Variants in NADK observed in about 807,000 individuals in gnomAD.
NADK encodes poly(P)/ATP NAD kinase.
In NADK, 22 loss-of-function variants were observed where a neutral mutation model predicts 49.8. That is an observed-to-expected ratio of 0.44 (90% CI 0.32 to 0.63). The LOEUF (loss-of-function observed/expected upper bound fraction) is 0.63, where lower values mean the gene tolerates loss of function less well. Ranked by LOEUF, NADK falls within the 30% of genes least tolerant of loss-of-function variation. The pLI, the probability that NADK is intolerant of heterozygous loss-of-function variation, is 0.06. For missense variants in NADK, 438 were observed against 609.4 expected (o/e 0.72, Z 2.96); for synonymous variants, 268 against 253.7 (o/e 1.06, Z -0.54).
intron 3 of NADK, among the ~76,000 whole-genome samples, chr1:1,761,195 A>G (rs569777204): frequency 1.3e-4 from 20 of 152,086 alleles, no homozygotes; most frequent in Non-Finnish European, 2.8e-4. Flanking sequence ...GTTTCACCAT[A>G]TTGGCCAGGC....
chr1:1,771,440 A>C (rs1419584348), intron 1 of NADK, among the ~76,000 whole-genome samples: 2 of 152,186 alleles, frequency 1.3e-5, no homozygotes, highest in East Asian at 3.8e-4. Context: ...AGCTGAAAAA[A>C]CTTTGAACAA....
intron 3 of NADK, chr1:1,759,952 C>G: frequency 6.5e-7 from 1 of 1,539,200 alleles, no homozygotes; most frequent in African/African-American, 1.4e-5. Context: ...GGGGGAGAGG[C>G]CCGGTGGGGT....
intron 2 of NADK, among the ~76,000 whole-genome samples, chr1:1,763,222 C>T (rs1004860726): frequency 3.9e-5 from 6 of 152,262 alleles, no homozygotes; most frequent in African/African-American, 9.6e-5. Flanking sequence ...CAGTGACTCA[C>T]GCCTGTAATC....
At position 1,754,701 on chromosome 1, in the gene NADK, G is replaced by A; in HGVS notation, c.689-3C>T. 2 of 1,610,448 alleles carry A rather than the reference G, an allele frequency of 1.2e-6. No individual in the cohort carries two copies. Among genetic ancestry groups the A allele is most frequent in the Non-Finnish European group, 1.7e-6 (2 of 1,178,234 alleles). ...CCGGAGAACAACAGCTGCGTTCCCT[G>A]AGGTCCAGCAGGAGTCAGAGGGCAT... On this transcript the variant is annotated splice_polypyrimidine_tract_variant and splice_region_variant and intron_variant, in intron 7 of 11. Coordinates refer to ENST00000341426, the MANE Select transcript of NADK (RefSeq NM_023018.5). The surrounding 1 kb of genome is among the most constrained non-coding windows in gnomAD (Gnocchi z 4.3).
In NADK at chr1:1,755,449, G is replaced by A. The variant is rs768474573; in HGVS notation, c.613C>T (p.His205Tyr). Residue 205 changes from histidine to tyrosine, a missense_variant, in exon 7 of 12, where the codon CAC (histidine) becomes TAC (tyrosine). His to Tyr is a moderately conservative substitution (Grantham distance 83, BLOSUM62 2). Transcript: ENST00000341426. ...QGSVPPVMAF[H>Y]LGSLGFLTPF... ...GTCAGGAAGCCCAGGGAGCCCAGGT[G>A]GAAGGCCATGACCGGAGGGACGCTG... 1.1e-5 allele frequency: 18 copies of A among 1,614,004 alleles called. No individual in the cohort carries two copies. The South Asian group carries it at 1.9e-4, about 17-fold the overall frequency.
At chr1:1,757,158 C>CCG in intron 4 of NADK, 23 bp downstream of exon 4, 1 of 1,595,378 alleles carries the variant, frequency 6.3e-7, no homozygotes, top group Non-Finnish European at 8.5e-7. Flanking sequence ...ACCCCAGGCC[C>CCG]CCTTCCCCCC....
rs1328742897 is a variant in NADK, at chr1:1,754,591, C to G, written c.796G>C (p.Ala266Pro). 1.9e-6 allele frequency: 3 copies of G among 1,613,542 alleles called. No individual in the cohort carries two copies. Among genetic ancestry groups the G allele is most frequent in the African/African-American group, 2.7e-5 (2 of 74,914 alleles). The change falls in exon 8 of 12, where the codon GCT (alanine) becomes CCT (proline). Residue 266 changes from alanine (A) to proline (P), a missense_variant. Transcript: ENST00000341426. This position sits in a 1 kb window ranked among gnomAD's most constrained non-coding sequence, Gnocchi z 4.3. ...HNGLGENGSQAAGLDMDVGKQ... is the reference protein window; with the variant it reads ...HNGLGENGSQPAGLDMDVGKQ... ...CCGACATCCATGTCCAGGCCTGCAGCCTGCGAGCCGTTCTCACCCAGCCCA... is the reference window on the plus strand; with the variant it reads ...CCGACATCCATGTCCAGGCCTGCAGGCTGCGAGCCGTTCTCACCCAGCCCA...
At chr1:1,769,470 G>T (rs1645982258) in intron 1 of NADK, among the ~76,000 whole-genome samples, 1 of 151,996 alleles carries the variant, frequency 6.6e-6, no homozygotes, top group African/African-American at 2.4e-5. Context: ...AGAATGGCGT[G>T]AACCCAGGAG....
In NADK at chr1:1,752,877, G is replaced by A; in HGVS notation, c.*27C>T. 1 of 1,602,094 alleles carries A rather than the reference G, an allele frequency of 6.2e-7. No homozygotes were observed. On this transcript the variant is annotated 3_prime_UTR_variant, in exon 12 of 12. Coordinates refer to ENST00000341426, the MANE Select transcript of NADK (RefSeq NM_023018.5). Reference sequence around the variant, plus strand: ...AGAGGGCGCTTGGAGGGCAGCGGAAGGATTCGGGCCTGGATAGGGGCTTGA... The same window carrying A: ...AGAGGGCGCTTGGAGGGCAGCGGAAAGATTCGGGCCTGGATAGGGGCTTGA...
Position 1,752,970 on chromosome 1 carries a change from C to A in NADK, c.1275G>T (p.Leu425=), listed in dbSNP as rs758501826. 19 of 1,601,176 alleles carry A rather than the reference C, an allele frequency of 1.2e-5. No homozygotes were observed. The highest frequency in any genetic ancestry group is 1.5e-5 in the Non-Finnish European group (18 of 1,174,396). ...CTTGCTTCTTCCGGACGTTCCAATG[C>A]AGGCACTGGGCGAGGCTCTCAAACC... The part of the protein sequence containing the change: ...SDWFESLAQC[L]HWNVRKKQAH... The change falls in exon 12 of 12, where the codon CTG becomes CTT. Residue 425 remains leucine (L), a synonymous_variant. Coordinates refer to ENST00000341426, the MANE Select transcript of NADK (RefSeq NM_023018.5).
At chr1:1,758,216 C>G in intron 3 of NADK, 1 of 874,058 alleles carries the variant, frequency 1.1e-6, no homozygotes, top group Non-Finnish European at 1.7e-6. Flanking sequence ...AAGCTGCTGC[C>G]TGCCATGCCT....
chr1:1,776,957 A>G lies in NADK; in HGVS notation c.-41+1332T>C, dbSNP rs1489185617. On this transcript the variant is annotated intron_variant, in intron 1 of 11. Transcript: ENST00000341426. ...GCTAGGTGTGGTGGTGCAGGCCTGT[A>G]ATCCCAGCTACTCAGGAGGCTGAGG... Among the ~76,000 whole-genome samples, 3 of 152,192 alleles carry G rather than the reference A, an allele frequency of 2.0e-5. No homozygotes were observed. In the East Asian group the frequency reaches 5.8e-4, roughly 29 times the overall value.
At chr1:1,756,654 C>T (rs1371159522) in intron 4 of NADK, 46 bp from the exon 5 acceptor site, 1 of 1,612,752 alleles carries the variant, frequency 6.2e-7, no homozygotes, top group Non-Finnish European at 8.5e-7. Flanking sequence ...CAGACCCCAC[C>T]CTCCTGCAGG....
At chr1:1,757,854 C>T (rs929593594) in intron 3 of NADK, among the ~76,000 whole-genome samples, 4 of 152,130 alleles carry the variant, frequency 2.6e-5, no homozygotes, top group African/African-American at 9.7e-5. Context: ...CCTGCATGAA[C>T]GGACTTTAAC....
intron 3 of NADK, among the ~76,000 whole-genome samples, chr1:1,760,774 G>A (rs1243581410): frequency 6.6e-6 from 1 of 152,028 alleles, no homozygotes; most frequent in Non-Finnish European, 1.5e-5. Context: ...GGCTTCTCTG[G>A]GGAAGAGGCA....
At chr1:1,766,338 G>C (rs1056546097) in intron 1 of NADK, among the ~76,000 whole-genome samples, 4 of 146,040 alleles carry the variant, frequency 2.7e-5, no homozygotes, top group African/African-American at 1.0e-4. Flanking sequence ...CCCGGGAAGC[G>C]GAGGTTGTGG....
intron 4 of NADK, 33 bp downstream of exon 4, chr1:1,757,148 A>ACCCCCCCCCCCCCCCCGCC: frequency 1.2e-6 from 1 of 859,200 alleles, no homozygotes; most frequent in South Asian, 1.5e-5. Context: ...CTCCATGTGC[A>ACCCCCCCCCCCCCCCCGCC]CCCCAGGCCC....
chr1:1,765,434 A>G lies in NADK; in HGVS notation c.-28T>C. 6.7e-6 allele frequency: 10 copies of G among 1,494,672 alleles called. No individual in the cohort carries two copies. The highest frequency in any genetic ancestry group is 9.1e-6 in the Non-Finnish European group (10 of 1,097,780). 92.6% of individuals were successfully genotyped at this position (1,494,672 alleles called of 1,614,324 possible). Reference sequence around the variant, plus strand: ...TCAGGAAATGAGAACTTCGGTCAGAAAAACACTGATGCCTTAATTTAATAA... The same window carrying G: ...TCAGGAAATGAGAACTTCGGTCAGAGAAACACTGATGCCTTAATTTAATAA... On this transcript the variant is annotated 5_prime_UTR_variant, in exon 2 of 12. Transcript: ENST00000341426.
chr1:1,753,559 G>A lies in NADK; in HGVS notation c.1184+8C>T. On this transcript the variant is annotated splice_region_variant and intron_variant, in intron 11 of 11. Coordinates refer to ENST00000341426, the MANE Select transcript of NADK (RefSeq NM_023018.5). ...CAGGCAGCGCCCAGCCCGGCATGCAGCCCACACCTGTCTCCATGGCGGATC... is the reference window on the plus strand; with the variant it reads ...CAGGCAGCGCCCAGCCCGGCATGCAACCCACACCTGTCTCCATGGCGGATC... The A allele has an allele frequency of 6.2e-7, 1 of 1,610,420 alleles. No individual in the cohort carries two copies. The highest frequency in any genetic ancestry group is 8.5e-7 in the Non-Finnish European group (1 of 1,178,306).
Sources: allele counts gnomAD v4.1 joint callset (sites outside exome capture counted in the v4.1 genomes callset), GRCh38; gene constraint gnomAD v4.1.1; non-coding constraint Gnocchi (gnomAD v3.1); transcripts MANE v1.5; gene names NCBI Gene and HGNC (gene_info 2026-07-23, HGNC 2026-07-21).